ZNF334: variants seen among roughly 807,000 people sequenced by gnomAD.
ZNF334 encodes zinc finger protein 334.
ZNF334 carries 14 observed loss-of-function variants against 12.4 expected under a neutral mutation model. The observed-to-expected ratio is 1.13, with a 90% CI of 0.74 to 1.76. The LOEUF (loss-of-function observed/expected upper bound fraction) is 1.76. Among genes scored for constraint, ZNF334 ranks in the 40% most tolerant of loss-of-function variants. The pLI is 0.00. For missense variants in ZNF334, 797 were observed against 804.5 expected, an observed-to-expected ratio of 0.99 and a Z score of 0.11; for synonymous variants, 273 against 269.6, an observed-to-expected ratio of 1.01 and a Z score of -0.12.
intron 2 of ZNF334, 37 bp from the exon 3 acceptor site, chr20:46,504,777 G>A: frequency 6.4e-7 from 1 of 1,565,342 alleles, no homozygotes; most frequent in Middle Eastern, 1.7e-4. Flanking sequence ...GACCAAAATT[G>A]AGTGATATCA....
chr20:46,508,316 TAATA>T (rs1334627712), intron 2 of ZNF334, among the ~76,000 whole-genome samples: 1 of 152,182 alleles, frequency 6.6e-6, no homozygotes, highest in Non-Finnish European at 1.5e-5. Context: ...CTTTAAAGGC[TAATA>T]GTCTTACTTG....
chr20:46,512,024 C>T, intron 2 of ZNF334, 58 bp downstream of exon 2: 1 of 1,573,596 alleles, frequency 6.4e-7, no homozygotes, highest in Non-Finnish European at 8.7e-7. Context: ...CTGCAAACTA[C>T]TCTAAACCTC....
the ZNF334 span, among the ~76,000 whole-genome samples, chr20:46,487,472 C>T: frequency 2.0e-5 from 3 of 152,074 alleles, no homozygotes; most frequent in Non-Finnish European, 4.4e-5. Flanking sequence ...GTATAATATT[C>T]TTTTTTATTA....
At chr20:46,479,745 G>A in the ZNF334 span, among the ~76,000 whole-genome samples, 1 of 152,246 alleles carries the variant, frequency 6.6e-6, no homozygotes, top group South Asian at 2.1e-4. Flanking sequence ...CTAAGAGTCT[G>A]ACACCTTTAA....
chr20:46,478,265 T>C, the ZNF334 span, among the ~76,000 whole-genome samples: 2 of 152,190 alleles, frequency 1.3e-5, no homozygotes, highest in Non-Finnish European at 2.9e-5. Context: ...TTATACATTT[T>C]AGGGACACAA....
At chr20:46,481,124 T>G in the ZNF334 span, 1 of 152,076 alleles carries the variant, frequency 6.6e-6, no homozygotes, top group Non-Finnish European at 1.5e-5. Context: ...GAACAGGAGG[T>G]GAAGAATGAA....
the ZNF334 span, among the ~76,000 whole-genome samples, chr20:46,493,106 CT>C: frequency 1.5e-5 from 2 of 132,900 alleles, no homozygotes; most frequent in Non-Finnish European, 3.1e-5. Context: ...AAAAAAAAAA[CT>C]GTTAAATGTA....
chr20:46,496,590 T>C (rs904540082), downstream of ZNF334: 2 of 152,236 alleles, frequency 1.3e-5, no homozygotes, highest in Non-Finnish European at 2.9e-5. Context: ...CTTCCCTGTA[T>C]GTTTCCAGTG....
the ZNF334 span, among the ~76,000 whole-genome samples, chr20:46,478,037 C>G: frequency 6.6e-6 from 1 of 152,204 alleles, no homozygotes; most frequent in Non-Finnish European, 1.5e-5. Flanking sequence ...TTTCAACATT[C>G]ACATGTGCTC....
chr20:46,498,035 A>G (rs1260597546), downstream of ZNF334, among the ~76,000 whole-genome samples: 2 of 152,192 alleles, frequency 1.3e-5, no homozygotes, highest in Non-Finnish European at 2.9e-5. Context: ...GCCTCCTTTG[A>G]CTACACTTTA....
chr20:46,502,194 C>T lies in ZNF334; in HGVS notation c.1145G>A (p.Cys382Tyr). The T allele has an allele frequency of 6.2e-7, 1 of 1,614,126 alleles. No individual in the cohort carries two copies. ...TGACTGACAGAAGAAGGTTTTCCCACATTCCTTACATTCATTTGGCTTCTC... is the reference window on the plus strand; with the variant it reads ...TGACTGACAGAAGAAGGTTTTCCCATATTCCTTACATTCATTTGGCTTCTC... ...RGEKPNECKE[C>Y]GKTFFCQSAL... is the part of the protein sequence containing the mutation. The change falls in exon 5 of 5, where the codon TGT (cysteine) becomes TAT (tyrosine). Residue 382 changes from cysteine (C) to tyrosine (Y), a missense_variant. Physicochemically the swap from Cys to Tyr is radical, Grantham distance 194. Coordinates refer to ENST00000692313, the MANE Select transcript of ZNF334 (RefSeq NM_001353824.2).
At chr20:46,482,687 T>C in the ZNF334 span, among the ~76,000 whole-genome samples, 1 of 152,312 alleles carries the variant, frequency 6.6e-6, no homozygotes, top group African/African-American at 2.4e-5. Context: ...CTATTGTGTA[T>C]AGATATGTAA....
downstream of ZNF334, among the ~76,000 whole-genome samples, chr20:46,498,485 G>A (rs978187549): frequency 4.6e-5 from 7 of 152,232 alleles, no homozygotes; most frequent in South Asian, 4.1e-4. Flanking sequence ...TTTCAGCCCC[G>A]TCAAGTCTTT....
At position 46,501,107 on chromosome 20, in the gene ZNF334, A is replaced by G; in HGVS notation, c.*189T>C. 1.5e-6 allele frequency: 1 copy of G among 648,142 alleles called. No homozygotes were observed. The highest frequency in any genetic ancestry group is 2.6e-5 in the South Asian group (1 of 38,096). The allele number at this position is 648,142 out of a possible 1,614,324, so 40.1% of individuals were successfully genotyped here. A position where few individuals can be genotyped will look rare whatever the true frequency, so the allele number is the denominator to read the frequency against. On this transcript the variant is annotated 3_prime_UTR_variant, in exon 5 of 5. Coordinates refer to ENST00000692313, the MANE Select transcript of ZNF334 (RefSeq NM_001353824.2). ...TTTCATAGTTCACAATGAATAATAC[A>G]TTTATTAAACAAATTATTTCTTTCC... is the stretch of plus-strand genomic sequence containing the variant.
Position 46,502,183 on chromosome 20 carries a change from A to T in ZNF334, c.1156T>A (p.Phe386Ile), listed in dbSNP as rs931834088. The T allele has an allele frequency of 2.5e-6, 4 of 1,613,990 alleles. No homozygotes were observed. The highest frequency in any genetic ancestry group is 3.4e-6 in the Non-Finnish European group (4 of 1,180,016). ...GCAGTAAGGGCTGACTGACAGAAGA[A>T]GGTTTTCCCACATTCCTTACATTCA... is the stretch of plus-strand genomic sequence containing the variant. ...PNECKECGKT[F>I]FCQSALTAHQ... Residue 386 changes from phenylalanine to isoleucine, a missense_variant, in exon 5 of 5, where the codon TTC (phenylalanine) becomes ATC (isoleucine). Physicochemically the swap from Phe to Ile is conservative, Grantham distance 21. Coordinates refer to ENST00000692313, the MANE Select transcript of ZNF334 (RefSeq NM_001353824.2).
chr20:46,476,820 T>C, the ZNF334 span, among the ~76,000 whole-genome samples: 22 of 152,204 alleles, frequency 1.4e-4, no homozygotes, highest in Non-Finnish European at 2.2e-4. Context: ...GTTATAATGA[T>C]GGAGAATTTT....
the ZNF334 span, among the ~76,000 whole-genome samples, chr20:46,478,235 G>C: frequency 5.5e-3 from 845 of 152,282 alleles, 13 homozygotes; most frequent in African/African-American, 0.02. Flanking sequence ...TGCCTAAGGT[G>C]GTCAGGCTAC....
Position 46,510,830 on chromosome 20 carries a change from A to G in ZNF334, c.21+1252T>C, listed in dbSNP as rs139884616. On this transcript the variant is annotated intron_variant, in intron 2 of 4. Coordinates refer to ENST00000692313, the MANE Select transcript of ZNF334 (RefSeq NM_001353824.2). ...CTGGTCAGATGGAAGCAGCACTGAT[A>G]GGGAAAAAAGAAGCAGCAGCACATT... Among the ~76,000 whole-genome samples, 52 of 151,734 alleles carry G rather than the reference A, an allele frequency of 3.4e-4. 1 individual carries two copies. Among genetic ancestry groups the G allele is most frequent in the African/African-American group, 1.2e-3 (50 of 41,408 alleles).
At chr20:46,497,891 A>G (rs184091479), downstream of ZNF334, among the ~76,000 whole-genome samples, 1 of 152,342 alleles carries the variant, frequency 6.6e-6, no homozygotes, top group African/African-American at 2.4e-5. Flanking sequence ...TTTTCTTAAA[A>G]AGGCTACCTT....
Sources: allele counts gnomAD v4.1 joint callset (sites outside exome capture counted in the v4.1 genomes callset), GRCh38; gene constraint gnomAD v4.1.1; transcripts MANE v1.5; gene names NCBI Gene and HGNC (gene_info 2026-07-23, HGNC 2026-07-21).